MLIP: variants seen among roughly 807,000 people sequenced by gnomAD.
MLIP encodes the protein muscular LMNA interacting protein.
Under a neutral mutation model 84.8 loss-of-function variants are expected in MLIP, and 79 were observed. The ratio of observed to expected loss-of-function variants is 0.93; its 90% confidence interval spans 0.78 to 1.12. MLIP has a LOEUF of 1.12. Among genes scored for constraint, MLIP ranks in the 50% most tolerant of loss-of-function variants. The pLI, the probability that MLIP is intolerant of heterozygous loss-of-function variation, is 0.00. For synonymous variants in MLIP, 504 were observed against 463.0 expected, an observed-to-expected ratio of 1.09 and a Z score of -1.14; for missense variants, 1,257 against 1,160.6, an observed-to-expected ratio of 1.08 and a Z score of -1.21.
At chr6:54,084,638 T>C (rs1767369410) in intron 1 of MLIP, among the ~76,000 whole-genome samples, 1 of 152,188 alleles carries the variant, frequency 6.6e-6, no homozygotes, top group African/African-American at 2.4e-5. Context: ...AAAAGTACTC[T>C]TTGCAAATTC....
chr6:54,036,189 T>C (rs1055323581), intron 1 of MLIP, among the ~76,000 whole-genome samples: 2 of 151,790 alleles, frequency 1.3e-5, no homozygotes, highest in African/African-American at 4.8e-5. Flanking sequence ...AGAAATAACA[T>C]GTGCAAAAGT....
chr6:54,263,187 A>G (rs1335705148), intron 13 of MLIP, among the ~76,000 whole-genome samples: 1 of 152,002 alleles, frequency 6.6e-6, no homozygotes, highest in African/African-American at 2.4e-5. Flanking sequence ...AAACACTAAG[A>G]TCAGGGTTAA....
At chr6:54,118,379 T>C (rs2150424515) in intron 1 of MLIP, among the ~76,000 whole-genome samples, 1 of 152,252 alleles carries the variant, frequency 6.6e-6, no homozygotes, top group East Asian at 1.9e-4. Flanking sequence ...ATCCACACAC[T>C]TACAGCCAAC....
intron 11 of MLIP, among the ~76,000 whole-genome samples, chr6:54,230,024 A>G (rs1228537604): frequency 3.3e-5 from 5 of 152,106 alleles, no homozygotes; most frequent in Non-Finnish European, 5.9e-5. Context: ...AAAGCCACTC[A>G]TCGTTTTTCC....
intron 1 of MLIP, among the ~76,000 whole-genome samples, chr6:54,077,085 A>C (rs1013394008): frequency 1.3e-5 from 2 of 152,172 alleles, no homozygotes; most frequent in Non-Finnish European, 2.9e-5. Flanking sequence ...TTGCTTTGCC[A>C]GATATTTTTA....
chr6:54,060,788 C>A (rs1406743372), intron 1 of MLIP, among the ~76,000 whole-genome samples: 1 of 152,050 alleles, frequency 6.6e-6, no homozygotes, highest in African/African-American at 2.4e-5. Context: ...AAGGAGGATT[C>A]ATCACAGTAT....
At chr6:54,228,576 A>C (rs542282833) in intron 11 of MLIP, among the ~76,000 whole-genome samples, 1 of 125,694 alleles carries the variant, frequency 8.0e-6, no homozygotes, top group Non-Finnish European at 1.8e-5. Flanking sequence ...GATTGGCAAA[A>C]GTGAACTTAG....
intron 13 of MLIP, among the ~76,000 whole-genome samples, chr6:54,258,324 C>T (rs1362035625): frequency 2.6e-5 from 4 of 152,090 alleles, no homozygotes. Context: ...ATCTACATTT[C>T]CTAAACTGGC....
At chr6:54,145,790 C>T (rs2150511239) in intron 4 of MLIP, among the ~76,000 whole-genome samples, 1 of 147,210 alleles carries the variant, frequency 6.8e-6, no homozygotes, top group South Asian at 2.1e-4. Context: ...CACCCCCTCC[C>T]CCACAAAAAA....
At chr6:54,162,577 G>C (rs1434322737) in intron 8 of MLIP, among the ~76,000 whole-genome samples, 1 of 151,940 alleles carries the variant, frequency 6.6e-6, no homozygotes, top group African/African-American at 2.4e-5. Context: ...ATGGTGGTCT[G>C]GATAGGGTGG....
intron 9 of MLIP, among the ~76,000 whole-genome samples, chr6:54,172,296 C>G (rs1377024094): frequency 2.6e-5 from 4 of 151,746 alleles, no homozygotes; most frequent in Admixed American, 6.6e-5. Flanking sequence ...ATCTATGGAT[C>G]AAGACTATAC....
At chr6:54,213,839 G>A (rs1305786317) in intron 11 of MLIP, among the ~76,000 whole-genome samples, 4 of 150,098 alleles carry the variant, frequency 2.7e-5, no homozygotes, top group African/African-American at 9.8e-5. Flanking sequence ...AATCAATAAA[G>A]TTGTAATTAG....
chr6:54,216,112 A>T, intron 11 of MLIP: 1 of 974,012 alleles, frequency 1.0e-6, no homozygotes, highest in Non-Finnish European at 1.2e-6. Context: ...GTTAAGAATG[A>T]TACTGCAATG....
At chr6:54,046,158 T>A (rs1193858442) in intron 1 of MLIP, 1 of 152,142 alleles carries the variant, frequency 6.6e-6, no homozygotes, top group Non-Finnish European at 1.5e-5. Context: ...AACATGTATC[T>A]CTTTTCCCCC....
chr6:54,254,583 C>G (rs1433272096), intron 12 of MLIP, among the ~76,000 whole-genome samples: 2 of 152,002 alleles, frequency 1.3e-5, no homozygotes, highest in Non-Finnish European at 2.9e-5. Context: ...TCTCTCTGTT[C>G]CCAGTTTTTC....
At chr6:54,187,880 G>A (rs879508157) in intron 9 of MLIP, among the ~76,000 whole-genome samples, 12 of 152,218 alleles carry the variant, frequency 7.9e-5, no homozygotes, top group African/African-American at 2.6e-4. Context: ...GGCAGCACGC[G>A]CCTGTACTCT....
chr6:54,232,258 G>T (rs1160288866), intron 12 of MLIP, among the ~76,000 whole-genome samples: 1 of 151,944 alleles, frequency 6.6e-6, no homozygotes, highest in East Asian at 1.9e-4. Flanking sequence ...ATATGATAAG[G>T]TTATGATTTA....
At chr6:54,265,825 C>A in intron 13 of MLIP, 125 bp from the exon 14 acceptor site, 2 of 795,526 alleles carry the variant, frequency 2.5e-6, no homozygotes, top group Non-Finnish European at 4.1e-6. Context: ...ATAAGCTTTT[C>A]CTATTGTAGT....
chr6:54,215,008 C>T, intron 11 of MLIP: 1 of 604,146 alleles, frequency 1.7e-6, no homozygotes, highest in Non-Finnish European at 2.8e-6. Flanking sequence ...GACGATATCC[C>T]TCCCTCATGT....
Sources: allele counts gnomAD v4.1 joint callset (sites outside exome capture counted in the v4.1 genomes callset), GRCh38; gene constraint gnomAD v4.1.1; transcripts MANE v1.5; gene names NCBI Gene and HGNC (gene_info 2026-07-23, HGNC 2026-07-21).